The following UGT1A10 variants were observed in gnomAD, a reference collection of about 807,000 sequenced individuals.
The protein encoded by UGT1A10 is UDP-glucuronosyltransferase 1A10.
UGT1A10 carries 49 observed loss-of-function variants against 45.8 expected under a neutral mutation model. That is an observed-to-expected ratio of 1.07 (90% CI 0.85 to 1.36). The LOEUF is 1.36. Among genes scored for constraint, UGT1A10 ranks in the 40% most tolerant of loss-of-function variants. The probability of loss-of-function intolerance (pLI) is 0.00; values close to 1 mark genes in which losing one functional copy is unlikely to be tolerated. For synonymous variants in UGT1A10, 284 were observed against 249.7 expected, an observed-to-expected ratio of 1.14 and a Z score of -1.29; for missense variants, 745 against 668.6, an observed-to-expected ratio of 1.11 and a Z score of -1.26.
rs149750520 is a variant in UGT1A10, at chr2:233,767,884, T to C, written c.1023T>C (p.Asn341=). ...GGTACACTGGAACCCGACCATCGAA[T>C]CTTGCGAACAACACGATACTTGTTA... The part of the protein sequence containing the change: ...LWRYTGTRPS[N]LANNTILVKW... The change falls in exon 3 of 5, where the codon AAT becomes AAC. Residue 341 remains asparagine (N), a synonymous_variant. Coordinates refer to ENST00000344644, the MANE Select transcript of UGT1A10 (RefSeq NM_019075.4). The C allele has an allele frequency of 6.2e-7, 1 of 1,614,080 alleles. No homozygotes were observed. Among genetic ancestry groups the C allele is most frequent in the East Asian group, 2.2e-5 (1 of 44,900 alleles).
chr2:233,762,086 T>A (rs1422736816), intron 1 of UGT1A10, among the ~76,000 whole-genome samples: 1 of 152,194 alleles, frequency 6.6e-6, no homozygotes, highest in African/African-American at 2.4e-5. Context: ...CCATTTCACT[T>A]AGATAGTTGT....
intron 1 of UGT1A10, among the ~76,000 whole-genome samples, chr2:233,677,766 T>G (rs2074399102): frequency 6.6e-6 from 1 of 152,104 alleles, no homozygotes; most frequent in South Asian, 2.1e-4. Flanking sequence ...GGAAGTAGTT[T>G]GGAGATTTTG....
At chr2:233,663,816 G>C (rs1199042342) in intron 1 of UGT1A10, among the ~76,000 whole-genome samples, 1 of 152,158 alleles carries the variant, frequency 6.6e-6, no homozygotes, top group Admixed American at 6.5e-5. Context: ...CTTTTTCACT[G>C]TCTCAGGCAT....
At chr2:233,655,635 C>T (rs1243679108) in intron 1 of UGT1A10, among the ~76,000 whole-genome samples, 2 of 152,058 alleles carry the variant, frequency 1.3e-5, no homozygotes, top group East Asian at 3.9e-4. Flanking sequence ...TTCACAGACT[C>T]TTCTCTTGTA....
chr2:233,759,175 A>G (rs970817812), intron 1 of UGT1A10, among the ~76,000 whole-genome samples: 3 of 152,178 alleles, frequency 2.0e-5, no homozygotes, highest in African/African-American at 7.2e-5. Context: ...GGCAGGTTTC[A>G]CGGCAAAAAG....
intron 1 of UGT1A10, among the ~76,000 whole-genome samples, chr2:233,666,009 A>T (rs1287891465): frequency 6.6e-6 from 1 of 152,148 alleles, no homozygotes; most frequent in Admixed American, 6.5e-5. Context: ...TAAAGAAAAC[A>T]TGTTTATTTG....
chr2:233,687,758 T>C (rs984466246), intron 1 of UGT1A10, among the ~76,000 whole-genome samples: 1 of 151,916 alleles, frequency 6.6e-6, no homozygotes, highest in Non-Finnish European at 1.5e-5. Flanking sequence ...TTTTAAAAAT[T>C]AGCTGGGCCT....
intron 1 of UGT1A10, among the ~76,000 whole-genome samples, chr2:233,675,421 T>C (rs769866030): frequency 2.2e-4 from 34 of 152,220 alleles, no homozygotes; most frequent in Non-Finnish European, 4.6e-4. Flanking sequence ...ACAGAATTAA[T>C]GACTGGTTTT....
chr2:233,669,461 T>G (rs1436682180), intron 1 of UGT1A10, among the ~76,000 whole-genome samples: 4 of 152,202 alleles, frequency 2.6e-5, no homozygotes, highest in African/African-American at 7.2e-5. Flanking sequence ...ATCTATTTAT[T>G]CAGGTCTCTC....
chr2:233,747,040 A>T (rs1268606849), intron 1 of UGT1A10, among the ~76,000 whole-genome samples: 1 of 151,966 alleles, frequency 6.6e-6, no homozygotes, highest in Admixed American at 6.5e-5. Context: ...GGGACCCATA[A>T]TGAAAGACAA....
chr2:233,669,985 C>T (rs967893006), intron 1 of UGT1A10, among the ~76,000 whole-genome samples: 3 of 152,100 alleles, frequency 2.0e-5, no homozygotes, highest in Admixed American at 6.5e-5. Flanking sequence ...ACGCCCAGCA[C>T]ACATAGAATT....
At chr2:233,682,827 T>A (rs771011097) in intron 1 of UGT1A10, 7 of 1,565,042 alleles carry the variant, frequency 4.5e-6, no homozygotes, top group South Asian at 2.4e-5. Flanking sequence ...TTAAGAATAA[T>A]CTGGCTTTGG....
intron 3 of UGT1A10, 134 bp from the exon 4 acceptor site, chr2:233,768,086 A>T: frequency 1.3e-6 from 2 of 1,591,428 alleles, no homozygotes; most frequent in Non-Finnish European, 8.6e-7. Flanking sequence ...ATCTCAACCC[A>T]CATTTTCTTC....
intron 1 of UGT1A10, chr2:233,682,105 C>G (rs7577789): frequency 6.2e-7 from 1 of 1,613,960 alleles, no homozygotes; most frequent in Non-Finnish European, 8.5e-7. Flanking sequence ...ATGAGGTGGT[C>G]GTAGTCATGC....
Position 233,772,633 on chromosome 2 carries a change from T to G in UGT1A10, c.*74T>G. The G allele has an allele frequency of 6.4e-7, 1 of 1,555,996 alleles. No homozygotes were observed. Among genetic ancestry groups the G allele is most frequent in the Non-Finnish European group, 8.7e-7 (1 of 1,149,842 alleles). On this transcript the variant is annotated 3_prime_UTR_variant, in exon 5 of 5. Transcript: ENST00000344644. ...TCCAAACTTGAAAACAGAATCAGTG[T>G]TAAATTCATTTTATTCTTATTAAGG... is the stretch of plus-strand genomic sequence containing the variant.
intron 1 of UGT1A10, among the ~76,000 whole-genome samples, chr2:233,700,666 G>A (rs2075579039): frequency 6.6e-6 from 1 of 151,920 alleles, no homozygotes; most frequent in Non-Finnish European, 1.5e-5. Flanking sequence ...CTACTTTTCA[G>A]CACAAATTCG....
chr2:233,743,079 G>C, intron 1 of UGT1A10: 3 of 345,058 alleles, frequency 8.7e-6, no homozygotes, highest in South Asian at 6.9e-5. Flanking sequence ...TTGGCATGAA[G>C]TGTTTATAAA....
intron 1 of UGT1A10, chr2:233,708,761 C>T (rs7583278): frequency 0.42 from 63,889 of 151,386 alleles, 14,561 homozygotes; most frequent in African/African-American, 0.59. Context: ...ACTCCCCACC[C>T]CCCCCCAAAT....
At chr2:233,762,023 TA>T (rs1176936322) in intron 1 of UGT1A10, among the ~76,000 whole-genome samples, 2 of 152,334 alleles carry the variant, frequency 1.3e-5, no homozygotes, top group Non-Finnish European at 2.9e-5. Flanking sequence ...ATTTGTATTT[TA>T]TTTTTTTTAA....
Sources: gnomAD v4.1 joint callset for allele counts (sites outside exome capture counted in the v4.1 genomes callset) on GRCh38, gnomAD v4.1.1 for gene constraint, MANE v1.5 for transcripts, NCBI Gene and HGNC (gene_info 2026-07-23, HGNC 2026-07-21) for gene names.